SLC16A1: variants seen among roughly 807,000 people sequenced by gnomAD.
The protein encoded by SLC16A1 is monocarboxylate transporter 1.
A neutral mutation model predicts 32.2 loss-of-function variants in SLC16A1; 11 were observed. The observed-to-expected ratio is 0.34, with a 90% CI of 0.21 to 0.56. SLC16A1 has a LOEUF of 0.56. SLC16A1 is among the 20% of genes least tolerant of loss of function. The pLI, the probability that SLC16A1 is intolerant of heterozygous loss-of-function variation, is 0.87. For missense variants in SLC16A1, 435 were observed against 615.0 expected, an observed-to-expected ratio of 0.71 and a Z score of 3.10; for synonymous variants, 231 against 226.8, an observed-to-expected ratio of 1.02 and a Z score of -0.17.
intron 1 of SLC16A1, among the ~76,000 whole-genome samples, chr1:112,944,994 CT>C (rs151186476): frequency 0.55 from 67,797 of 123,058 alleles, 16,566 homozygotes; most frequent in African/African-American, 0.66. Flanking sequence ...CACCCAGCCT[CT>C]TTTTTTTTTT....
intron 1 of SLC16A1, among the ~76,000 whole-genome samples, chr1:112,948,222 G>C (rs1448657152): frequency 6.6e-6 from 1 of 151,982 alleles, no homozygotes; most frequent in East Asian, 1.9e-4. Flanking sequence ...ACTCCAGCCG[G>C]GGGCGGCGGG....
chr1:112,926,032 T>G (rs1225281007), intron 2 of SLC16A1, among the ~76,000 whole-genome samples: 1 of 152,214 alleles, frequency 6.6e-6, no homozygotes, highest in Admixed American at 6.5e-5. Context: ...TTTATAGGAT[T>G]GTTGAAAGAA....
rs1165229021 is a variant in SLC16A1 at position 112,924,450 on chromosome 1, T to A, written c.218-2317A>T. Reference sequence around the variant, plus strand: ...AGTAAATTCTTAGGGATGGAAGTATTTGGACAAAAACCTAACAGTAAAGTC... The same window carrying A: ...AGTAAATTCTTAGGGATGGAAGTATATGGACAAAAACCTAACAGTAAAGTC... On this transcript the variant is annotated intron_variant, in intron 2 of 4. Coordinates refer to ENST00000369626, the MANE Select transcript of SLC16A1 (RefSeq NM_003051.4). 5 of 836,646 alleles carry A rather than the reference T, an allele frequency of 6.0e-6. No individual in the cohort carries two copies. In the Admixed American group the frequency reaches 8.5e-5, roughly 14 times the overall value. 51.8% of individuals were successfully genotyped at this position (836,646 alleles called of 1,614,324 possible).
rs1014291537 is a variant in SLC16A1 at position 112,947,993 on chromosome 1, C to T, written c.-45+8042G>A. On this transcript the variant is annotated intron_variant, in intron 1 of 4. Coordinates refer to ENST00000369626, the MANE Select transcript of SLC16A1 (RefSeq NM_003051.4). ...CAGCACTTTGGGAGGCCAAGGTGGG[C>T]GGATCACCTGAGGTCAGGAGTTCGA... Among the ~76,000 whole-genome samples, 10 of 152,032 alleles carry T rather than the reference C, an allele frequency of 6.6e-5. No homozygotes were observed. The East Asian group carries it at 9.6e-4, about 15-fold the overall frequency.
At chr1:112,920,968 TCTACTAAAAAAAAATACAAAAAATTAGC>T (rs1288709262) in intron 3 of SLC16A1, among the ~76,000 whole-genome samples, 1 of 151,660 alleles carries the variant, frequency 6.6e-6, no homozygotes, top group Non-Finnish European at 1.5e-5. Flanking sequence ...AAACCCCGTC[TCTACTAAAAAAAAATACAAAAAATTAGC>T]CAGGCGTGGT....
chr1:112,920,905 C>T (rs974495120), intron 3 of SLC16A1, among the ~76,000 whole-genome samples: 1 of 151,524 alleles, frequency 6.6e-6, no homozygotes, highest in African/African-American at 2.4e-5. Flanking sequence ...TTTGGGAGGC[C>T]GAGGCAGGCG....
rs1435039489 is a variant in SLC16A1, at chr1:112,913,899, G to A, written c.1495C>T (p.Pro499Ser). The A allele has an allele frequency of 6.2e-7, 1 of 1,614,160 alleles. No homozygotes were observed. Reference sequence around the variant, plus strand: ...CCTTCAGCCCCATGGATTCAGACTGGACTTTCCTCCTCCTTGGGCCCTCCA... The same window carrying A: ...CCTTCAGCCCCATGGATTCAGACTGAACTTTCCTCCTCCTTGGGCCCTCCA... Reference protein sequence around the residue: ...TDGGPKEEESPV With the variant: ...TDGGPKEEESSV The change falls in exon 5 of 5, where the codon CCA (proline) becomes TCA (serine). Residue 499 changes from proline to serine, a missense_variant. This residue lies in a region of SLC16A1 where 111 missense variants were observed against 114.7 expected (regional missense o/e 0.97). Coordinates refer to ENST00000369626, the MANE Select transcript of SLC16A1 (RefSeq NM_003051.4).
intron 1 of SLC16A1, among the ~76,000 whole-genome samples, chr1:112,946,939 T>C (rs1649722666): frequency 6.6e-6 from 1 of 152,206 alleles, no homozygotes; most frequent in South Asian, 2.1e-4. Flanking sequence ...TGCTTCATTT[T>C]TGCCTTCTTC....
chr1:112,952,078 C>A (rs979871610), intron 1 of SLC16A1, among the ~76,000 whole-genome samples: 1 of 152,182 alleles, frequency 6.6e-6, no homozygotes, highest in Non-Finnish European at 1.5e-5. Context: ...CCAACACTCC[C>A]ACTCGGAAAT....
At chr1:112,928,963 C>A in intron 2 of SLC16A1, 129 bp downstream of exon 2, 1 of 721,676 alleles carries the variant, frequency 1.4e-6, no homozygotes, top group South Asian at 1.7e-5. Context: ...CTCTAAACAC[C>A]AAACTTTAAG....
At chr1:112,936,682 G>A (rs912897233) in intron 1 of SLC16A1, among the ~76,000 whole-genome samples, 9 of 152,200 alleles carry the variant, frequency 5.9e-5, no homozygotes, top group East Asian at 5.8e-4. Flanking sequence ...TAAGAAATGG[G>A]ATGAATAAGA....
intron 4 of SLC16A1, among the ~76,000 whole-genome samples, chr1:112,915,470 C>T (rs1242863278): frequency 2.0e-5 from 3 of 152,090 alleles, no homozygotes; most frequent in African/African-American, 7.2e-5. Flanking sequence ...CAGCTGGGGC[C>T]AGCCCATGCA....
At chr1:112,931,810 G>T (rs1358870499) in intron 1 of SLC16A1, among the ~76,000 whole-genome samples, 4 of 151,932 alleles carry the variant, frequency 2.6e-5, no homozygotes, top group South Asian at 4.2e-4. Flanking sequence ...TGAGCGTTTG[G>T]TGGTAGGTTA....
intron 1 of SLC16A1, among the ~76,000 whole-genome samples, chr1:112,948,252 A>T (rs533703265): frequency 1.3e-5 from 2 of 152,186 alleles, no homozygotes; most frequent in South Asian, 4.2e-4. Context: ...AAAAAGAGAA[A>T]AGTTCATGTG....
At chr1:112,927,707 C>G (rs1648988748) in intron 2 of SLC16A1, among the ~76,000 whole-genome samples, 1 of 152,198 alleles carries the variant, frequency 6.6e-6, no homozygotes, top group African/African-American at 2.4e-5. Context: ...TGCTAGTTAT[C>G]TCACTAATTG....
intron 1 of SLC16A1, among the ~76,000 whole-genome samples, chr1:112,934,257 T>A (rs1391799830): frequency 1.3e-5 from 2 of 152,238 alleles, no homozygotes; most frequent in African/African-American, 4.8e-5. Context: ...TTTCGAATTT[T>A]GGATTTTTGG....
intron 1 of SLC16A1, among the ~76,000 whole-genome samples, chr1:112,931,497 T>C (rs538196448): frequency 1.3e-5 from 2 of 151,810 alleles, no homozygotes; most frequent in South Asian, 4.2e-4. Context: ...AATACAAAAA[T>C]TAGCCAGGCA....
Position 112,922,044 on chromosome 1 carries a change from C to T in SLC16A1, c.307G>A (p.Ala103Thr). The T allele has an allele frequency of 3.1e-6, 5 of 1,614,190 alleles. No individual in the cohort carries two copies. The highest frequency in any genetic ancestry group is 4.2e-6 in the Non-Finnish European group (5 of 1,180,028). The change falls in exon 3 of 5, where the codon GCT becomes ACT. Residue 103 changes from alanine to threonine, a missense_variant. Transcript: ENST00000369626. ...TGCTGTACGGTGTTACAGAAAGAAG[C>T]TGCAATCAAGCCACAGCCTGACAAG... ...GCLSGCGLIA[A>T]SFCNTVQQLY...
At chr1:112,925,197 G>T (rs894729945) in intron 2 of SLC16A1, among the ~76,000 whole-genome samples, 1 of 152,010 alleles carries the variant, frequency 6.6e-6, no homozygotes, top group Non-Finnish European at 1.5e-5. Context: ...AGTTTTTTGC[G>T]ACCAGTCTCC....
Sources: allele counts gnomAD v4.1 joint callset (sites outside exome capture counted in the v4.1 genomes callset), GRCh38; gene constraint gnomAD v4.1.1; regional missense constraint gnomAD v4.1.1; transcripts MANE v1.5; gene names NCBI Gene and HGNC (gene_info 2026-07-23, HGNC 2026-07-21).